The following INTS7 variants were observed in gnomAD, a reference collection of about 807,000 sequenced individuals.
INTS7 encodes the protein chromosome 1 open reading frame 73.
Under a neutral mutation model 109.2 loss-of-function variants are expected in INTS7, and 46 were observed. The ratio of observed to expected loss-of-function variants is 0.42; its 90% CI spans 0.33 to 0.54. The LOEUF (loss-of-function observed/expected upper bound fraction) is 0.54. INTS7 is among the 20% of genes least tolerant of loss of function. The probability of loss-of-function intolerance (pLI) is 0.07; values close to 1 mark genes in which losing one functional copy is unlikely to be tolerated. For synonymous variants in INTS7, 412 were observed against 402.9 expected, an observed-to-expected ratio of 1.02 and a Z score of -0.27; for missense variants, 929 against 1,132.4, an observed-to-expected ratio of 0.82 and a Z score of 2.58.
intron 7 of INTS7, among the ~76,000 whole-genome samples, chr1:211,989,131 TTAAAA>T (rs796400896): frequency 3.0e-4 from 46 of 152,162 alleles, no homozygotes; most frequent in African/African-American, 1.0e-3. Flanking sequence ...TCAGAAAGGG[TTAAAA>T]TAAATTTAAT....
chr1:211,999,423 G>C (rs1665559531), intron 7 of INTS7, among the ~76,000 whole-genome samples: 1 of 152,136 alleles, frequency 6.6e-6, no homozygotes, highest in East Asian at 1.9e-4. Flanking sequence ...CACAGCAACA[G>C]AAATCAGACT....
chr1:211,993,815 G>T (rs568800754), intron 7 of INTS7, among the ~76,000 whole-genome samples: 9 of 151,872 alleles, frequency 5.9e-5, no homozygotes, highest in African/African-American at 2.2e-4. Context: ...ACTAAAAAAT[G>T]TTTTTCCTAT....
chr1:211,968,740 C>CA (rs537844874), intron 13 of INTS7, 33 bp from the exon 14 acceptor site: 321 of 1,549,266 alleles, frequency 2.1e-4, no homozygotes, highest in Admixed American at 9.6e-4. Flanking sequence ...ATATTTAAGA[C>CA]AAAGTAAACA....
chr1:211,962,570 T>A (rs1663686531), intron 16 of INTS7, among the ~76,000 whole-genome samples: 1 of 152,130 alleles, frequency 6.6e-6, no homozygotes, highest in South Asian at 2.1e-4. Context: ...AACAACAGAA[T>A]ATACATTGTT....
At chr1:211,990,675 A>C (rs1235574317) in intron 7 of INTS7, among the ~76,000 whole-genome samples, 1 of 152,216 alleles carries the variant, frequency 6.6e-6, no homozygotes, top group African/African-American at 2.4e-5. Flanking sequence ...TGGTAACTGA[A>C]GGGAAGACAG....
intron 13 of INTS7, 105 bp from the exon 14 acceptor site, chr1:211,968,812 T>C (rs2102410143): frequency 1.4e-6 from 1 of 709,440 alleles, no homozygotes; most frequent in South Asian, 2.7e-5. Context: ...AGTAGTTCTC[T>C]AAAAACACTG....
In INTS7 at chr1:212,035,360, A is replaced by G; in HGVS notation, c.78T>C (p.Leu26=). Residue 26 remains leucine, a synonymous_variant, in exon 1 of 20, where the codon CTT becomes CTC. Coordinates refer to ENST00000366994, the MANE Select transcript of INTS7 (RefSeq NM_015434.4). Reference sequence around the variant, plus strand: ...TTCGAATACCTTTGTCCAATTCCATAAGGGCAGAGTTGGCATCCAGTTCCT... The same window carrying G: ...TTCGAATACCTTTGTCCAATTCCATGAGGGCAGAGTTGGCATCCAGTTCCT... ...GEQELDANSA[L]MELDKGLRSG... The G allele has an allele frequency of 6.2e-7, 1 of 1,611,842 alleles. No individual in the cohort carries two copies. Among genetic ancestry groups the G allele is most frequent in the South Asian group, 1.1e-5 (1 of 91,046 alleles).
chr1:212,004,003 T>C (rs2102463783), intron 7 of INTS7, among the ~76,000 whole-genome samples: 1 of 152,300 alleles, frequency 6.6e-6, no homozygotes, highest in Middle Eastern at 3.4e-3. Context: ...ATCAGAAGAA[T>C]CAAATGCTCC....
intron 5 of INTS7, among the ~76,000 whole-genome samples, chr1:212,009,256 G>C (rs919494408): frequency 2.6e-5 from 4 of 152,074 alleles, no homozygotes; most frequent in Admixed American, 6.5e-5. Context: ...ATTTTTTTAA[G>C]ATAAAATTTA....
Position 211,946,564 on chromosome 1 carries a change from G to C in INTS7, c.2415+43C>G, listed in dbSNP as rs1037587369. 2 of 1,156,090 alleles carry C rather than the reference G, an allele frequency of 1.7e-6. No homozygotes were observed. Among genetic ancestry groups the C allele is most frequent in the Non-Finnish European group, 2.6e-6 (2 of 769,950 alleles). The allele number at this position is 1,156,090 out of a possible 1,614,324, so 71.6% of individuals were successfully genotyped here. ...CCTACATAATCTTCAGAAGACACCT[G>C]GTTTTAAAACCTATATTAACCTTAG... is the stretch of plus-strand genomic sequence containing the variant. On this transcript the variant is annotated intron_variant, in intron 18 of 19. Transcript: ENST00000366994. This position sits in a 1 kb window ranked among gnomAD's most constrained non-coding sequence, Gnocchi z 4.3.
At chr1:211,961,183 C>G (rs1663608846) in intron 16 of INTS7, among the ~76,000 whole-genome samples, 1 of 151,902 alleles carries the variant, frequency 6.6e-6, no homozygotes, top group Non-Finnish European at 1.5e-5. Context: ...TCCACGAGAA[C>G]TTCCCCAACC....
At chr1:212,012,138 A>G (rs1666189297) in intron 4 of INTS7, among the ~76,000 whole-genome samples, 1 of 152,146 alleles carries the variant, frequency 6.6e-6, no homozygotes, top group African/African-American at 2.4e-5. Context: ...CACAGTTGCC[A>G]CTAGGGGACA....
chr1:211,971,261 A>T (rs1481831407), intron 13 of INTS7, among the ~76,000 whole-genome samples: 1 of 152,226 alleles, frequency 6.6e-6, no homozygotes, highest in Non-Finnish European at 1.5e-5. Context: ...TATCCCCTGG[A>T]GGATAAAACC....
chr1:211,941,876 G>T lies in INTS7; in HGVS notation c.2837C>A (p.Ala946Asp). 1 of 1,614,170 alleles carries T rather than the reference G, an allele frequency of 6.2e-7. No homozygotes were observed. The highest frequency in any genetic ancestry group is 8.5e-7 in the Non-Finnish European group (1 of 1,180,018). The part of the protein sequence containing the change: ...SQQIRLQQQQ[A>D]QQPLQQQQQR... ...CTGCTGCTGCTGTAATGGCTGCTGG[G>T]CTTGCTGCTGTTGTAAGCGAATTTG... Residue 946 changes from alanine to aspartate, a missense_variant, in exon 20 of 20, where the codon GCC becomes GAC. By Grantham distance (126) the Ala-to-Asp change is moderately radical. This residue lies in a region of INTS7 where 787 missense variants were observed against 901.1 expected (regional missense o/e 0.87). Coordinates refer to ENST00000366994, the MANE Select transcript of INTS7 (RefSeq NM_015434.4).
chr1:212,006,764 A>G lies in INTS7; in HGVS notation c.757-3T>C, dbSNP rs972778143. The G allele has an allele frequency of 2.5e-6, 4 of 1,598,756 alleles. No individual in the cohort carries two copies. Among genetic ancestry groups the G allele is most frequent in the East Asian group, 2.3e-5 (1 of 44,406 alleles). ...AAATACTGCAACAGAAGCTGAATCT[A>G]TAAAGGAAATAAGTCACTCCATAAA... On this transcript the variant is annotated splice_region_variant and splice_polypyrimidine_tract_variant and intron_variant, in intron 6 of 19. Coordinates refer to ENST00000366994, the MANE Select transcript of INTS7 (RefSeq NM_015434.4).
chr1:212,013,470 T>C (rs558227208), intron 4 of INTS7, among the ~76,000 whole-genome samples: 1 of 152,328 alleles, frequency 6.6e-6, no homozygotes, highest in African/African-American at 2.4e-5. Flanking sequence ...TAAAAAGTTA[T>C]AGCAAGGTAA....
At chr1:212,011,581 A>T (rs931977695) in intron 4 of INTS7, 160 bp from the exon 5 acceptor site, 1 of 594,444 alleles carries the variant, frequency 1.7e-6, no homozygotes, top group Non-Finnish European at 3.0e-6. Context: ...AGGTGGTAAG[A>T]AACACAACTA....
intron 7 of INTS7, among the ~76,000 whole-genome samples, chr1:211,992,723 G>T (rs1207258039): frequency 1.3e-5 from 2 of 152,000 alleles, no homozygotes; most frequent in Non-Finnish European, 2.9e-5. Context: ...TGATTTAAAC[G>T]TTCATTAATC....
rs182430493 is a variant in INTS7 at position 211,965,611 on chromosome 1, G to A, written c.2183+819C>T. ...GTACATATGCATCATGAAATACTAC[G>A]CAGCCATAAAAAAGAAGATCATGTC... On this transcript the variant is annotated intron_variant, in intron 16 of 19. Transcript: ENST00000366994. 2.0e-5 allele frequency among the ~76,000 whole-genome samples: 3 copies of A among 151,790 alleles called. 1 individual carries two copies. Among genetic ancestry groups the A allele is most frequent in the Non-Finnish European group, 4.4e-5 (3 of 67,930 alleles).
Sources: gnomAD v4.1 joint callset for allele counts (sites outside exome capture counted in the v4.1 genomes callset) on GRCh38, gnomAD v4.1.1 for gene constraint, gnomAD v4.1.1 regional missense constraint, Gnocchi (gnomAD v3.1) non-coding constraint, MANE v1.5 for transcripts, NCBI Gene and HGNC (gene_info 2026-07-23, HGNC 2026-07-21) for gene names.